CADM3: variants seen among roughly 807,000 people sequenced by gnomAD.
CADM3 encodes cell adhesion molecule 3.
In CADM3, 11 loss-of-function variants were observed where a neutral mutation model predicts 44.9. The observed-to-expected ratio is 0.25, with a 90% CI of 0.15 to 0.41. The LOEUF is 0.41. Ranked by LOEUF, CADM3 falls within the 10% of genes least tolerant of loss-of-function variation. The pLI is 1.00. For missense variants in CADM3, 426 were observed against 512.0 expected (o/e 0.83, Z 1.62); for synonymous variants, 207 against 205.2 (o/e 1.01, Z -0.08).
At chr1:159,173,198 A>G (rs1309843510) in intron 1 of CADM3, among the ~76,000 whole-genome samples, 1 of 112,404 alleles carries the variant, frequency 8.9e-6, no homozygotes, top group Non-Finnish European at 1.8e-5. Context: ...CGATGGACCC[A>G]GTGGCCAGCA....
chr1:159,199,687 G>A, intron 7 of CADM3, 64 bp from the exon 8 acceptor site: 1 of 1,611,588 alleles, frequency 6.2e-7, no homozygotes, highest in South Asian at 1.1e-5. Flanking sequence ...TCATGGCCAA[G>A]TTGGAATGCT....
At chr1:159,188,536 T>C (rs1041566882) in intron 1 of CADM3, among the ~76,000 whole-genome samples, 1 of 151,962 alleles carries the variant, frequency 6.6e-6, no homozygotes, top group African/African-American at 2.4e-5. Context: ...TGAGTCGCGC[T>C]GGGACGACTG....
At chr1:159,174,076 G>A (rs1490477887) in intron 1 of CADM3, among the ~76,000 whole-genome samples, 2 of 152,234 alleles carry the variant, frequency 1.3e-5, no homozygotes, top group Non-Finnish European at 2.9e-5. Flanking sequence ...GGGGAAGTGG[G>A]AGATGAACAG....
chr1:159,197,200 C>T (rs2102133607), intron 7 of CADM3, 140 bp downstream of exon 7: 2 of 820,742 alleles, frequency 2.4e-6, no homozygotes, highest in East Asian at 5.3e-5. Context: ...ACTGGGGTCC[C>T]TGAGGGCTTA....
intron 1 of CADM3, among the ~76,000 whole-genome samples, chr1:159,173,177 T>C (rs1357768068): frequency 1.2e-5 from 1 of 84,642 alleles, no homozygotes; most frequent in Non-Finnish European, 2.3e-5. Context: ...AAAGGGGAGG[T>C]GGCTCCTGGG....
Position 159,192,007 on chromosome 1 carries a change from G to A in CADM3, c.160G>A (p.Asp54Asn), listed in dbSNP as rs764210672. ...GTVVLKCQVK[D>N]HEDSSLQWSN... ...CGTGGTGCTCAAGTGCCAAGTGAAAGATCACGAGGACTCATCCCTGCAATG... is the reference window on the plus strand; with the variant it reads ...CGTGGTGCTCAAGTGCCAAGTGAAAAATCACGAGGACTCATCCCTGCAATG... Residue 54 changes from aspartate to asparagine, a missense_variant, in exon 2 of 9, where the codon GAT becomes AAT. Coordinates refer to ENST00000368125, the MANE Select transcript of CADM3 (RefSeq NM_001127173.3). 2.4e-5 allele frequency: 38 copies of A among 1,614,024 alleles called. No individual in the cohort carries two copies. Among genetic ancestry groups the A allele is most frequent in the Admixed American group, 5.0e-5 (3 of 60,006 alleles).
At chr1:159,198,330 C>G (rs1353321037) in intron 7 of CADM3, 1 of 152,154 alleles carries the variant, frequency 6.6e-6, no homozygotes, top group African/African-American at 2.4e-5. Flanking sequence ...ACTGCCATTT[C>G]CATAGCCTGT....
chr1:159,172,472 A>C (rs1245973993), intron 1 of CADM3, among the ~76,000 whole-genome samples: 1 of 152,102 alleles, frequency 6.6e-6, no homozygotes, highest in African/African-American at 2.4e-5. Flanking sequence ...TCCTTGGAGC[A>C]AAACAACAAC....
At chr1:159,194,677 T>A (rs1649818578) in intron 5 of CADM3, 2 of 152,372 alleles carry the variant, frequency 1.3e-5, no homozygotes, top group Non-Finnish European at 1.5e-5. Context: ...TCCCAGATCT[T>A]TTCCTTACTG....
chr1:159,172,101 C>G (rs1046348065), intron 1 of CADM3, among the ~76,000 whole-genome samples: 1 of 152,112 alleles, frequency 6.6e-6, no homozygotes, highest in Non-Finnish European at 1.5e-5. Context: ...GGGTTTGGCT[C>G]TCGGGGCTGA....
At chr1:159,193,719 A>T in intron 4 of CADM3, 151 bp from the exon 5 acceptor site, 1 of 1,406,998 alleles carries the variant, frequency 7.1e-7, no homozygotes, top group Non-Finnish European at 9.9e-7. Context: ...GTTGGGGCCT[A>T]CATTCTCCCT....
intron 1 of CADM3, among the ~76,000 whole-genome samples, chr1:159,191,296 A>G (rs935223720): frequency 3.9e-5 from 6 of 152,200 alleles, no homozygotes; most frequent in African/African-American, 1.2e-4. Flanking sequence ...GGCGGGTAAC[A>G]CTAATACCAC....
At chr1:159,192,849 G>A (rs1240572773) in intron 3 of CADM3, 119 bp downstream of exon 3, 17 of 1,008,928 alleles carry the variant, frequency 1.7e-5, no homozygotes, top group Non-Finnish European at 2.5e-5. Context: ...GGAAAGTTCA[G>A]CCTGTGTTCC....
intron 1 of CADM3, among the ~76,000 whole-genome samples, chr1:159,183,225 G>A (rs890754893): frequency 6.6e-6 from 1 of 152,096 alleles, no homozygotes; most frequent in East Asian, 1.9e-4. Context: ...TGGATCTCTG[G>A]CCCAGGCTTT....
At chr1:159,199,097 A>G (rs551703149) in intron 7 of CADM3, among the ~76,000 whole-genome samples, 3 of 152,196 alleles carry the variant, frequency 2.0e-5, no homozygotes, top group Non-Finnish European at 2.9e-5. Flanking sequence ...TACATCTATC[A>G]TCTTTCGTAA....
intron 5 of CADM3, 128 bp downstream of exon 5, chr1:159,194,168 A>T: frequency 9.9e-7 from 1 of 1,011,650 alleles, no homozygotes; most frequent in Non-Finnish European, 1.4e-6. Flanking sequence ...TGAAACAAAG[A>T]CTGCCAGGAC....
At position 159,196,927 on chromosome 1, in the gene CADM3, G is replaced by A; in HGVS notation, c.819G>A (p.Val273=). The A allele has an allele frequency of 6.2e-7, 1 of 1,613,966 alleles. No homozygotes were observed. The highest frequency in any genetic ancestry group is 8.5e-7 in the Non-Finnish European group (1 of 1,179,986). ...QQYLWEKEGS[V]PPLKMTQESA... ...ACCTATGGGAGAAGGAGGGCAGTGT[G>A]CCACCCCTGAAGATGACCCAGGAGA... Residue 273 remains valine (V), a synonymous_variant, in exon 7 of 9, where the codon GTG becomes GTA. Transcript: ENST00000368125.
chr1:159,200,511 C>G (rs1029734233), intron 8 of CADM3, among the ~76,000 whole-genome samples: 1 of 106,060 alleles, frequency 9.4e-6, no homozygotes, highest in Non-Finnish European at 1.8e-5. Context: ...CACACGCATG[C>G]GTGCAAGCAC....
chr1:159,172,626 G>C (rs574967660), intron 1 of CADM3, among the ~76,000 whole-genome samples: 31 of 152,316 alleles, frequency 2.0e-4, no homozygotes, highest in Admixed American at 2.0e-3. Context: ...GGATGCATGA[G>C]AAACCCAAAG....
Sources: gnomAD v4.1 joint callset for allele counts (sites outside exome capture counted in the v4.1 genomes callset) on GRCh38, gnomAD v4.1.1 for gene constraint, MANE v1.5 for transcripts, NCBI Gene and HGNC (gene_info 2026-07-23, HGNC 2026-07-21) for gene names.